The following LONP2 variants were observed in gnomAD, a reference collection of about 807,000 sequenced individuals.
LONP2 encodes the protein lon protease homolog 2, peroxisomal.
In LONP2, 60 loss-of-function variants were observed where a neutral mutation model predicts 85.6. The ratio of observed to expected loss-of-function variants is 0.70; its 90% confidence interval spans 0.57 to 0.87. The LOEUF (loss-of-function observed/expected upper bound fraction) is 0.87. LONP2 is among the 40% of genes least tolerant of loss of function. The pLI, the probability that LONP2 is intolerant of heterozygous loss-of-function variation, is 0.00. For missense variants in LONP2, 860 were observed against 1,063.5 expected, an observed-to-expected ratio of 0.81 and a Z score of 2.66; for synonymous variants, 395 against 389.7, an observed-to-expected ratio of 1.01 and a Z score of -0.16.
At chr16:48,249,751 C>A (rs1971581591) in intron 1 of LONP2, among the ~76,000 whole-genome samples, 2 of 152,116 alleles carry the variant, frequency 1.3e-5, no homozygotes, top group Non-Finnish European at 2.9e-5. Context: ...GGGATAATTT[C>A]TAGTCAACTA....
chr16:48,350,806 C>T (rs1352822749), intron 14 of LONP2, among the ~76,000 whole-genome samples: 1 of 152,258 alleles, frequency 6.6e-6, no homozygotes, highest in African/African-American at 2.4e-5. Context: ...GAAACTGCTT[C>T]CATGGTGGTT....
intron 11 of LONP2, among the ~76,000 whole-genome samples, chr16:48,308,807 CTTAA>C (rs1340647366): frequency 2.6e-5 from 4 of 151,980 alleles, no homozygotes; most frequent in African/African-American, 4.8e-5. Context: ...ACAGATGAGA[CTTAA>C]TTAAACTAAA....
At chr16:48,349,003 GA>G (rs896450242) in intron 14 of LONP2, among the ~76,000 whole-genome samples, 1 of 152,098 alleles carries the variant, frequency 6.6e-6, no homozygotes, top group African/African-American at 2.4e-5. Context: ...TCCCCCTGCA[GA>G]AAACTTTGCT....
At chr16:48,271,787 C>T (rs1231335706) in intron 7 of LONP2, among the ~76,000 whole-genome samples, 1 of 152,102 alleles carries the variant, frequency 6.6e-6, no homozygotes, top group African/African-American at 2.4e-5. Flanking sequence ...ATGAGGCGTG[C>T]AGATCAGAGT....
At chr16:48,315,965 T>A (rs1467046447) in intron 11 of LONP2, among the ~76,000 whole-genome samples, 2 of 143,728 alleles carry the variant, frequency 1.4e-5, no homozygotes, top group Admixed American at 6.9e-5. Flanking sequence ...ATATTGTAAT[T>A]TTTTTTTTTT....
intron 1 of LONP2, among the ~76,000 whole-genome samples, chr16:48,247,858 TG>T (rs1398736003): frequency 2.6e-5 from 4 of 152,206 alleles, no homozygotes; most frequent in Non-Finnish European, 4.4e-5. Context: ...GTCAAACTTG[TG>T]AGCTCAAGTG....
intron 11 of LONP2, among the ~76,000 whole-genome samples, chr16:48,316,039 A>G (rs2151011545): frequency 7.4e-6 from 1 of 135,976 alleles, no homozygotes; most frequent in East Asian, 2.1e-4. Context: ...ACAGAGTCTC[A>G]CTCTGTCACC....
chr16:48,246,231 G>C (rs1221238255), intron 1 of LONP2, among the ~76,000 whole-genome samples: 1 of 152,006 alleles, frequency 6.6e-6, no homozygotes, highest in Non-Finnish European at 1.5e-5. Flanking sequence ...AAATATTTTG[G>C]CTCCCATCTG....
At chr16:48,250,784 T>A (rs1971625584) in intron 1 of LONP2, among the ~76,000 whole-genome samples, 1 of 152,246 alleles carries the variant, frequency 6.6e-6, no homozygotes, top group Non-Finnish European at 1.5e-5. Flanking sequence ...GCTCACTTCC[T>A]CAGGCAATCT....
At position 48,286,546 on chromosome 16, in the gene LONP2, A is replaced by G. The variant is rs531375503; in HGVS notation, c.1383+9067A>G. Among the ~76,000 whole-genome samples, 5 of 152,128 alleles carry G rather than the reference A, an allele frequency of 3.3e-5. No homozygotes were observed. In the East Asian group the frequency reaches 7.7e-4, roughly 24 times the overall value. ...GAGACAGGGTCTCGCTCTGTCACCC[A>G]GACTGGAGTGCAGTGGCGCACTCAT... On this transcript the variant is annotated intron_variant, in intron 8 of 14. Coordinates refer to ENST00000285737, the MANE Select transcript of LONP2 (RefSeq NM_031490.5).
chr16:48,258,278 G>A (rs1283453580), intron 3 of LONP2, among the ~76,000 whole-genome samples: 1 of 151,658 alleles, frequency 6.6e-6, no homozygotes, highest in Non-Finnish European at 1.5e-5. Context: ...ACCCAGGAGG[G>A]GGAGCTTGCA....
intron 12 of LONP2, among the ~76,000 whole-genome samples, chr16:48,337,207 T>C (rs1170881186): frequency 6.6e-6 from 1 of 152,256 alleles, no homozygotes; most frequent in East Asian, 1.9e-4. Flanking sequence ...TCTACCTTTC[T>C]ACAGTACCCT....
rs199513926 is a variant in LONP2 at position 48,258,657 on chromosome 16, A to T, written c.640A>T (p.Thr214Ser). 6.2e-7 allele frequency: 1 copy of T among 1,609,796 alleles called. No homozygotes were observed. The highest frequency in any genetic ancestry group is 2.2e-5 in the East Asian group (1 of 44,586). The stretch of plus-strand genomic sequence containing the variant: ...GAGCCTAGAGGAGCGGTTCAAGATG[A>T]CTATACCACTGCTTGTCAGACAAAT... ...AVSLEERFKM[T>S]IPLLVRQIEG... Residue 214 changes from threonine (T) to serine (S), a missense_variant, in exon 4 of 15, where the codon ACT becomes TCT. Around this residue, in one of 3 missense-constraint regions of LONP2, gnomAD observed 743 missense variants for 917.3 expected, o/e 0.81. Coordinates refer to ENST00000285737, the MANE Select transcript of LONP2 (RefSeq NM_031490.5).
intron 1 of LONP2, among the ~76,000 whole-genome samples, chr16:48,249,373 A>C (rs1971563476): frequency 6.6e-6 from 1 of 152,260 alleles, no homozygotes; most frequent in African/African-American, 2.4e-5. Context: ...CAGAATTTTT[A>C]GAAAAATGAC....
chr16:48,263,487 A>G (rs938500695), intron 6 of LONP2, among the ~76,000 whole-genome samples: 17 of 152,218 alleles, frequency 1.1e-4, no homozygotes, highest in African/African-American at 3.9e-4. Flanking sequence ...ACTTAGCATG[A>G]TGCCCTCTAA....
chr16:48,316,492 A>G (rs1407755502), intron 11 of LONP2, among the ~76,000 whole-genome samples: 1 of 135,662 alleles, frequency 7.4e-6, no homozygotes, highest in Non-Finnish European at 1.6e-5. Flanking sequence ...ACACCCGACC[A>G]ATTTTTGTAT....
chr16:48,308,813 T>C (rs1277300416), intron 11 of LONP2, among the ~76,000 whole-genome samples: 1 of 152,002 alleles, frequency 6.6e-6, no homozygotes, highest in Non-Finnish European at 1.5e-5. Context: ...GAGACTTAAT[T>C]AAACTAAAAA....
intron 8 of LONP2, among the ~76,000 whole-genome samples, 185 bp downstream of exon 8, chr16:48,277,664 T>TC (rs996952347): frequency 6.6e-6 from 1 of 152,066 alleles, no homozygotes; most frequent in African/African-American, 2.4e-5. Context: ...TTTCACTAAG[T>TC]CCCCTTTTTT....
In LONP2 at chr16:48,277,457, A is replaced by G. The variant is rs1370882846; in HGVS notation, c.1361A>G (p.Asp454Gly). ...VDKLGKSLQGDPAAALLEVLD... is the reference protein window; with the variant it reads ...VDKLGKSLQGGPAAALLEVLD... ...AAACTGGGAAAAAGTCTACAGGGTG[A>G]TCCAGCAGCAGCTCTGCTTGAGGTA... is the stretch of plus-strand genomic sequence containing the variant. The change falls in exon 8 of 15, where the codon GAT becomes GGT. Residue 454 changes from aspartate to glycine, a missense_variant. Asp to Gly is a moderately conservative substitution (Grantham distance 94). Around this residue, in one of 3 missense-constraint regions of LONP2, gnomAD observed 743 missense variants for 917.3 expected, o/e 0.81. Transcript: ENST00000285737. 4.3e-6 allele frequency: 7 copies of G among 1,613,576 alleles called. No homozygotes were observed. Among genetic ancestry groups the G allele is most frequent in the African/African-American group, 1.3e-5 (1 of 74,862 alleles).
Sources: allele counts gnomAD v4.1 joint callset (sites outside exome capture counted in the v4.1 genomes callset), GRCh38; gene constraint gnomAD v4.1.1; regional missense constraint gnomAD v4.1.1; transcripts MANE v1.5; gene names NCBI Gene and HGNC (gene_info 2026-07-23, HGNC 2026-07-21).